Variants in SPATC1 observed in about 807,000 individuals in gnomAD.
SPATC1 encodes speriolin.
Under a neutral mutation model 36.5 loss-of-function variants are expected in SPATC1, and 35 were observed. That is an observed-to-expected ratio of 0.96 (90% CI 0.73 to 1.27). SPATC1 has a LOEUF of 1.27. Among genes scored for constraint, SPATC1 ranks in the 50% most tolerant of loss-of-function variants. The pLI is 0.00. For synonymous variants in SPATC1, 361 were observed against 353.6 expected (o/e 1.02, Z -0.24); for missense variants, 779 against 796.0 (o/e 0.98, Z 0.26).
intron 4 of SPATC1, among the ~76,000 whole-genome samples, chr8:144,043,433 CA>C (rs1835170280): frequency 6.6e-6 from 1 of 152,132 alleles, no homozygotes; most frequent in South Asian, 2.1e-4. Flanking sequence ...AGGCACACAC[CA>C]CCAGGCCCGG....
intron 4 of SPATC1, among the ~76,000 whole-genome samples, chr8:144,042,259 C>A (rs1315099823): frequency 7.4e-6 from 1 of 134,852 alleles, no homozygotes; most frequent in Admixed American, 7.8e-5. Context: ...GCTGGGACCA[C>A]AGGTTTACGC....
In SPATC1 at chr8:144,040,429, C is replaced by G; in HGVS notation, c.732C>G (p.Ser244=). 1 of 1,607,174 alleles carries G rather than the reference C, an allele frequency of 6.2e-7. No homozygotes were observed. The highest frequency in any genetic ancestry group is 1.1e-5 in the South Asian group (1 of 90,406). Residue 244 remains serine (S), a synonymous_variant, in exon 2 of 5, where the codon TCC becomes TCG. Coordinates refer to ENST00000377470, the MANE Select transcript of SPATC1 (RefSeq NM_198572.3). ...GCGGAGGCCCCACTGGGCCCCAGTC[C>G]CCAGCTTGCGTGGTACCCACTGCCA... ...PLRGGPTGPQ[S]PACVVPTATT...
chr8:144,040,885 C>T lies in SPATC1; in HGVS notation c.1084C>T (p.Pro362Ser), dbSNP rs782660803. The T allele has an allele frequency of 1.3e-6, 2 of 1,588,232 alleles. No homozygotes were observed. The highest frequency in any genetic ancestry group is 1.7e-6 in the Non-Finnish European group (2 of 1,165,786). The change falls in exon 3 of 5, where the codon CCC (proline) becomes TCC (serine). Residue 362 changes from proline (P) to serine (S), a missense_variant. Transcript: ENST00000377470. ...CACCACCCACATCGCCCAGGGTGCCCCCCATCCCCCTTCCCGAATGCATAA... is the reference window on the plus strand; with the variant it reads ...CACCACCCACATCGCCCAGGGTGCCTCCCATCCCCCTTCCCGAATGCATAA... The part of the protein sequence containing the change: ...SSTTHIAQGA[P>S]HPPSRMHNSP...
At position 144,012,635 on chromosome 8, in the gene SPATC1, G is replaced by C. The variant is rs142344652; in HGVS notation, c.120G>C (p.Ala40=). 3 of 1,551,732 alleles carry C rather than the reference G, an allele frequency of 1.9e-6. No individual in the cohort carries two copies. The highest frequency in any genetic ancestry group is 2.6e-6 in the Non-Finnish European group (3 of 1,147,000). Reference sequence around the variant, plus strand: ...GGGAGAATCACGAGCTCAAGTCAGCGATCAAGACTCAGGCAGGCGGGCTCG... The same window carrying C: ...GGGAGAATCACGAGCTCAAGTCAGCCATCAAGACTCAGGCAGGCGGGCTCG... ...LIRENHELKS[A]IKTQAGGLGI... Residue 40 remains alanine, a synonymous_variant, in exon 1 of 5, where the codon GCG becomes GCC. Transcript: ENST00000377470.
intron 1 of SPATC1, among the ~76,000 whole-genome samples, chr8:144,017,370 G>C (rs1258887054): frequency 6.6e-6 from 1 of 151,960 alleles, no homozygotes; most frequent in East Asian, 1.9e-4. Flanking sequence ...CCTCTTTCTG[G>C]GCCTACCCTT....
At chr8:144,020,193 C>T (rs1474615410) in intron 1 of SPATC1, among the ~76,000 whole-genome samples, 20 of 151,790 alleles carry the variant, frequency 1.3e-4, no homozygotes, top group African/African-American at 4.4e-4. Flanking sequence ...CCGCTCAGGA[C>T]CCTCTTCCCT....
chr8:144,024,732 C>CCT (rs1438104967), intron 1 of SPATC1, among the ~76,000 whole-genome samples: 1 of 138,990 alleles, frequency 7.2e-6, no homozygotes, highest in Non-Finnish European at 1.6e-5. Flanking sequence ...CCCTGACGAC[C>CCT]CTCTTCCCTG....
chr8:144,039,906 C>T lies in SPATC1; in HGVS notation c.212-3C>T, dbSNP rs1554755346. On this transcript the variant is annotated splice_region_variant and splice_polypyrimidine_tract_variant and intron_variant, in intron 1 of 4. Transcript: ENST00000377470. ...GGTCTCAGTGCTTTCTCTGTGTTCC[C>T]AGGTGTCTTCCTGCCCCCGTCCCCA... 6.2e-6 allele frequency: 10 copies of T among 1,611,026 alleles called. No homozygotes were observed. The highest frequency in any genetic ancestry group is 1.7e-5 in the Admixed American group (1 of 59,872).
At chr8:144,039,203 CA>C (rs1834993652) in intron 1 of SPATC1, among the ~76,000 whole-genome samples, 1 of 152,216 alleles carries the variant, frequency 6.6e-6, no homozygotes, top group Admixed American at 6.5e-5. Context: ...CCCCGGGGAT[CA>C]GGGGGCTTCT....
At chr8:144,044,209 G>A (rs926696559) in intron 4 of SPATC1, among the ~76,000 whole-genome samples, 3 of 152,248 alleles carry the variant, frequency 2.0e-5, no homozygotes, top group Non-Finnish European at 4.4e-5. Flanking sequence ...CAGGGGAGCA[G>A]AGAGAAGGTG....
intron 4 of SPATC1, 115 bp downstream of exon 4, chr8:144,041,486 G>A: frequency 7.4e-7 from 1 of 1,353,938 alleles, no homozygotes; most frequent in South Asian, 1.4e-5. Flanking sequence ...CCCTGGGATA[G>A]AGGAAGCTGA....
At chr8:144,031,964 C>T (rs971086237) in intron 1 of SPATC1, among the ~76,000 whole-genome samples, 1 of 152,116 alleles carries the variant, frequency 6.6e-6, no homozygotes, top group Non-Finnish European at 1.5e-5. Context: ...AAGCGATCTG[C>T]CCACCTTTGC....
At chr8:144,037,438 T>C (rs1173179241) in intron 1 of SPATC1, among the ~76,000 whole-genome samples, 12 of 151,794 alleles carry the variant, frequency 7.9e-5, no homozygotes, top group Non-Finnish European at 1.3e-4. Flanking sequence ...TAGAAAGAGG[T>C]AGACATGGGA....
At chr8:144,042,316 TTTTTTTTTTTTTTTTTTTTTGAGTTGGTG>T (rs1835135054) in intron 4 of SPATC1, among the ~76,000 whole-genome samples, 1 of 107,126 alleles carries the variant, frequency 9.3e-6, no homozygotes, top group African/African-American at 4.5e-5. Flanking sequence ...TATATATTTT[TTTTTTTTTTTTTTTTTTTTTGAGTTGGTG>T]TTTTGCTCTT....
rs1246746531 is a variant in SPATC1, at chr8:144,043,526, T to C, written c.1446+2155T>C. 2.0e-5 allele frequency among the ~76,000 whole-genome samples: 3 copies of C among 151,990 alleles called. No homozygotes were observed. The East Asian group carries it at 5.8e-4, about 29-fold the overall frequency. On this transcript the variant is annotated intron_variant, in intron 4 of 4. Transcript: ENST00000377470. ...CGAACTCCTGACCTTGTGATCCGCC[T>C]GCCTTGGCCTCGCCCAGCTTTAAAT... is the stretch of plus-strand genomic sequence containing the variant.
intron 1 of SPATC1, among the ~76,000 whole-genome samples, chr8:144,015,372 G>T (rs1554753042): frequency 6.6e-6 from 1 of 150,454 alleles, no homozygotes; most frequent in African/African-American, 2.4e-5. Flanking sequence ...ACTGTAAAAA[G>T]AAAATTAAAT....
At chr8:144,038,399 C>T (rs1243628790) in intron 1 of SPATC1, among the ~76,000 whole-genome samples, 2 of 149,272 alleles carry the variant, frequency 1.3e-5, no homozygotes, top group Admixed American at 1.3e-4. Context: ...TGCCACTGCA[C>T]TCCAGCCTGG....
rs782432638 is a variant in SPATC1, at chr8:144,046,663, A to G, written c.1483A>G (p.Lys495Glu). Residue 495 changes from lysine to glutamate, a missense_variant, in exon 5 of 5, where the codon AAG becomes GAG. By Grantham distance (56) the Lys-to-Glu change is moderately conservative. Transcript: ENST00000377470. This position sits in a 1 kb window ranked among gnomAD's most constrained non-coding sequence, Gnocchi z 6.6. ...CCCCAGTGACCACAAGCTGGATGAG[A>G]AGCTGTGCCAGAGGCTCACACAGCG... ...LNPSDHKLDE[K>E]LCQRLTQRYV... 2 of 1,611,610 alleles carry G rather than the reference A, an allele frequency of 1.2e-6. No homozygotes were observed. Among genetic ancestry groups the G allele is most frequent in the Non-Finnish European group, 8.5e-7 (1 of 1,179,812 alleles).
rs1277849548 is a variant in SPATC1 at position 144,020,626 on chromosome 8, C to A, written c.211+7900C>A. On this transcript the variant is annotated intron_variant, in intron 1 of 4. Coordinates refer to ENST00000377470, the MANE Select transcript of SPATC1 (RefSeq NM_198572.3). The stretch of plus-strand genomic sequence containing the variant: ...CTCAGAACCCTCTTCCTTCAGGACC[C>A]TCCTCCCTGAGTATACTCTCCCTTC... Among the ~76,000 whole-genome samples, 776 of 134,128 alleles carry A rather than the reference C, an allele frequency of 5.8e-3. 2 individuals carry two copies. Among genetic ancestry groups the A allele is most frequent in the Non-Finnish European group, 9.5e-3 (589 of 62,156 alleles). 88.0% of individuals were successfully genotyped at this position (134,128 alleles called of 152,430 possible).
Sources: allele counts gnomAD v4.1 joint callset (sites outside exome capture counted in the v4.1 genomes callset), GRCh38; gene constraint gnomAD v4.1.1; non-coding constraint Gnocchi (gnomAD v3.1); transcripts MANE v1.5; gene names NCBI Gene and HGNC (gene_info 2026-07-23, HGNC 2026-07-21).